CRPPA: variants seen among roughly 807,000 people sequenced by gnomAD.
CRPPA encodes CDP-L-ribitol pyrophosphorylase A.
CRPPA carries 43 observed loss-of-function variants against 52.0 expected under a neutral mutation model. The ratio of observed to expected loss-of-function variants is 0.83; its 90% CI spans 0.65 to 1.07. The LOEUF (loss-of-function observed/expected upper bound fraction) is 1.07, where lower values mean the gene tolerates loss of function less well. Among genes scored for constraint, CRPPA ranks in the 50% least tolerant of loss-of-function variants. The probability of loss-of-function intolerance (pLI) is 0.00; values close to 1 mark genes in which losing one functional copy is unlikely to be tolerated. For missense variants in CRPPA, 629 were observed against 551.7 expected (o/e 1.14, Z -1.40); for synonymous variants, 250 against 203.5 (o/e 1.23, Z -1.94).
chr7:16,113,872 A>C lies in CRPPA; in HGVS notation c.1252-22073T>G, dbSNP rs569601554. Reference sequence around the variant, plus strand: ...ATAATCTCTGAATCAAGGTCTAAAGAGCAGGAAGGCATGGAAAATTTAAAA... The same window carrying C: ...ATAATCTCTGAATCAAGGTCTAAAGCGCAGGAAGGCATGGAAAATTTAAAA... On this transcript the variant is annotated intron_variant, in intron 9 of 9. Coordinates refer to ENST00000407010, the MANE Select transcript of CRPPA (RefSeq NM_001101426.4). Among the ~76,000 whole-genome samples, 4 of 152,230 alleles carry C rather than the reference A, an allele frequency of 2.6e-5. No homozygotes were observed. In the East Asian group the frequency reaches 7.7e-4, roughly 29 times the overall value.
At chr7:16,398,611 A>G (rs1437187029) in intron 2 of CRPPA, among the ~76,000 whole-genome samples, 2 of 151,994 alleles carry the variant, frequency 1.3e-5, no homozygotes, top group African/African-American at 4.8e-5. Flanking sequence ...AGCATGATTG[A>G]CACATCACCA....
At chr7:16,394,509 T>A (rs1787521968) in intron 2 of CRPPA, among the ~76,000 whole-genome samples, 2 of 152,040 alleles carry the variant, frequency 1.3e-5, no homozygotes, top group Admixed American at 1.3e-4. Context: ...AAATAAGACT[T>A]GGGAGGAGAT....
At chr7:16,233,755 T>C (rs184884615) in intron 8 of CRPPA, among the ~76,000 whole-genome samples, 1 of 152,278 alleles carries the variant, frequency 6.6e-6, no homozygotes, top group Non-Finnish European at 1.5e-5. Flanking sequence ...AGCAGATACT[T>C]ATCCCAGTCT....
At chr7:16,387,503 C>T (rs1438048382) in intron 2 of CRPPA, among the ~76,000 whole-genome samples, 1 of 151,602 alleles carries the variant, frequency 6.6e-6, no homozygotes, top group East Asian at 1.9e-4. Context: ...AGTAAACTAG[C>T]AGACAAATCT....
intron 1 of CRPPA, among the ~76,000 whole-genome samples, chr7:16,416,222 C>CAG (rs1788187587): frequency 6.6e-6 from 1 of 152,070 alleles, no homozygotes; most frequent in Admixed American, 6.5e-5. Context: ...TGGAACAGAA[C>CAG]AGAGAACCCA....
chr7:16,240,007 TC>T lies in CRPPA; in HGVS notation c.1119+18382del, dbSNP rs1170531220. On this transcript the variant is annotated intron_variant, in intron 8 of 9. Transcript: ENST00000407010. ...CGAGGTATGCCCTATGAGAATCATT[TC>T]TTTACACATCAGTTACATGTCCATC... Among the ~76,000 whole-genome samples, 2 of 151,996 alleles carry T rather than the reference TC, an allele frequency of 1.3e-5. 1 individual carries two copies. Among genetic ancestry groups the T allele is most frequent in the Non-Finnish European group, 2.9e-5 (2 of 67,980 alleles).
chr7:16,177,842 C>A (rs113840902), intron 9 of CRPPA, among the ~76,000 whole-genome samples: 2,069 of 152,020 alleles, frequency 0.014, 23 homozygotes, highest in Non-Finnish European at 0.021. Flanking sequence ...CATAGGCCAC[C>A]AAATGGATGG....
chr7:16,174,808 A>G (rs2128386156), intron 9 of CRPPA, among the ~76,000 whole-genome samples: 1 of 152,324 alleles, frequency 6.6e-6, no homozygotes, highest in Non-Finnish European at 1.5e-5. Context: ...AATATATTCC[A>G]AGCAGAGCTT....
At chr7:16,171,709 C>T (rs545317114) in intron 9 of CRPPA, among the ~76,000 whole-genome samples, 214 of 152,312 alleles carry the variant, frequency 1.4e-3, no homozygotes, top group African/African-American at 4.8e-3. Context: ...AGGAGAACTG[C>T]GTGAACCCAG....
At chr7:16,342,926 C>A (rs1785913548) in intron 3 of CRPPA, among the ~76,000 whole-genome samples, 1 of 131,626 alleles carries the variant, frequency 7.6e-6, no homozygotes, top group Non-Finnish European at 1.7e-5. Flanking sequence ...TGTAGTCCCA[C>A]CTACTTAAGG....
chr7:16,144,383 C>G (rs974964205), intron 9 of CRPPA, among the ~76,000 whole-genome samples: 1 of 152,118 alleles, frequency 6.6e-6, no homozygotes, highest in Non-Finnish European at 1.5e-5. Context: ...AGAGACATGC[C>G]CAAGGGAGCT....
intron 8 of CRPPA, among the ~76,000 whole-genome samples, chr7:16,257,129 T>C (rs964056075): frequency 1.3e-5 from 2 of 152,128 alleles, no homozygotes; most frequent in African/African-American, 4.8e-5. Context: ...AGTAGAGTTA[T>C]TAGCCTTGTT....
chr7:16,221,931 C>A (rs1206950500), intron 8 of CRPPA, among the ~76,000 whole-genome samples: 2 of 151,826 alleles, frequency 1.3e-5, no homozygotes, highest in African/African-American at 4.8e-5. Context: ...TTTGACCCAG[C>A]CATCCCATTA....
At chr7:16,261,125 T>A (rs531290306) in intron 6 of CRPPA, among the ~76,000 whole-genome samples, 1 of 152,068 alleles carries the variant, frequency 6.6e-6, no homozygotes, top group South Asian at 2.1e-4. Context: ...GTATTAAAAG[T>A]ACGAATGTTG....
chr7:16,225,019 A>T (rs1284692462), intron 8 of CRPPA, among the ~76,000 whole-genome samples: 3 of 152,164 alleles, frequency 2.0e-5, no homozygotes, highest in Non-Finnish European at 4.4e-5. Context: ...CACAAAATAA[A>T]ATACAGGCAA....
At chr7:16,171,582 A>C (rs910472977) in intron 9 of CRPPA, among the ~76,000 whole-genome samples, 5 of 152,064 alleles carry the variant, frequency 3.3e-5, no homozygotes, top group Admixed American at 3.3e-4. Flanking sequence ...CTGGCTAACA[A>C]GGTGAAACCC....
At chr7:16,248,266 A>G (rs1783335504) in intron 8 of CRPPA, among the ~76,000 whole-genome samples, 1 of 152,086 alleles carries the variant, frequency 6.6e-6, no homozygotes, top group Non-Finnish European at 1.5e-5. Flanking sequence ...TTGAGCCCAA[A>G]AGGCTGAGTC....
chr7:16,132,663 T>C (rs972619138), intron 9 of CRPPA, among the ~76,000 whole-genome samples: 1 of 125,074 alleles, frequency 8.0e-6, no homozygotes, highest in African/African-American at 2.6e-5. Context: ...ATGGGTTTAC[T>C]TACATGCAAA....
At chr7:16,161,133 A>T (rs2128381964) in intron 9 of CRPPA, among the ~76,000 whole-genome samples, 1 of 152,234 alleles carries the variant, frequency 6.6e-6, no homozygotes, top group Admixed American at 6.5e-5. Flanking sequence ...CTACAAACAG[A>T]GACAATTTGA....
Sources: gnomAD v4.1 joint callset for allele counts (sites outside exome capture counted in the v4.1 genomes callset) on GRCh38, gnomAD v4.1.1 for gene constraint, MANE v1.5 for transcripts, NCBI Gene and HGNC (gene_info 2026-07-23, HGNC 2026-07-21) for gene names.